The following XRCC4 variants were observed in gnomAD, a reference collection of about 807,000 sequenced individuals.
XRCC4 encodes DNA repair protein XRCC4.
Under a neutral mutation model 39.1 loss-of-function variants are expected in XRCC4, and 28 were observed. That is an observed-to-expected ratio of 0.72 (90% CI 0.53 to 0.98). The LOEUF (loss-of-function observed/expected upper bound fraction) is 0.98. Ranked by LOEUF, XRCC4 falls within the 50% of genes least tolerant of loss-of-function variation. XRCC4 has a pLI of 0.00. For missense variants in XRCC4, 350 were observed against 376.4 expected, an observed-to-expected ratio of 0.93 and a Z score of 0.58; for synonymous variants, 123 against 126.4, an observed-to-expected ratio of 0.97 and a Z score of 0.18.
intron 3 of XRCC4, among the ~76,000 whole-genome samples, chr5:83,182,587 A>AT (rs529425188): frequency 2.6e-5 from 4 of 152,082 alleles, no homozygotes; most frequent in African/African-American, 9.7e-5. Context: ...GAATTCCAAT[A>AT]TTTTTTGACC....
the XRCC4 span, among the ~76,000 whole-genome samples, chr5:83,362,301 A>C: frequency 6.8e-6 from 1 of 146,220 alleles, no homozygotes; most frequent in East Asian, 1.9e-4. Flanking sequence ...AGGCAAAAAA[A>C]AAAAAAAAAA....
At chr5:83,138,588 CA>C (rs33922097) in intron 3 of XRCC4, among the ~76,000 whole-genome samples, 73,445 of 151,680 alleles carry the variant, frequency 0.48, 18,722 homozygotes, top group African/African-American at 0.63. Context: ...CAAAAACTAG[CA>C]CACTTTGCTA....
At chr5:83,165,531 T>C (rs1369051794) in intron 3 of XRCC4, among the ~76,000 whole-genome samples, 1 of 152,182 alleles carries the variant, frequency 6.6e-6, no homozygotes, top group African/African-American at 2.4e-5. Flanking sequence ...GTTACATAGG[T>C]AAACTTGTGT....
At chr5:83,323,325 T>A (rs942168269) in intron 7 of XRCC4, among the ~76,000 whole-genome samples, 2 of 152,140 alleles carry the variant, frequency 1.3e-5, no homozygotes, top group African/African-American at 4.8e-5. Flanking sequence ...GGCTGTAAAG[T>A]ATCCTTGGAA....
At chr5:83,325,163 G>C (rs977523095) in intron 7 of XRCC4, among the ~76,000 whole-genome samples, 6 of 151,998 alleles carry the variant, frequency 3.9e-5, no homozygotes, top group African/African-American at 1.4e-4. Context: ...TCACATATTT[G>C]AGCATGCTGT....
the XRCC4 span, among the ~76,000 whole-genome samples, chr5:83,363,651 G>A: frequency 6.6e-6 from 1 of 152,166 alleles, no homozygotes; most frequent in Non-Finnish European, 1.5e-5. Context: ...GCAGAGTGAC[G>A]CCTAACCTGC....
chr5:83,090,345 G>GT (rs899468769), intron 1 of XRCC4, among the ~76,000 whole-genome samples: 1 of 47,496 alleles, frequency 2.1e-5, no homozygotes, highest in Non-Finnish European at 5.1e-5. Flanking sequence ...TGGTGGGGTT[G>GT]GGGGGGGCTC....
intron 3 of XRCC4, among the ~76,000 whole-genome samples, chr5:83,120,400 C>A (rs1436990147): frequency 6.6e-6 from 1 of 152,154 alleles, no homozygotes; most frequent in Non-Finnish European, 1.5e-5. Flanking sequence ...CACTTTCAAG[C>A]CTCTTTGCAG....
chr5:83,103,152 G>A (rs867720701), intron 1 of XRCC4, among the ~76,000 whole-genome samples: 14 of 151,546 alleles, frequency 9.2e-5, no homozygotes, highest in Non-Finnish European at 1.8e-4. Context: ...TTAAACATGC[G>A]TGTCTGTGGA....
intron 7 of XRCC4, among the ~76,000 whole-genome samples, chr5:83,270,977 G>A (rs1754128069): frequency 6.6e-6 from 1 of 151,624 alleles, no homozygotes; most frequent in Non-Finnish European, 1.5e-5. Flanking sequence ...GTAAAGATGG[G>A]GTTTTGCCAT....
At chr5:83,281,786 C>G (rs755690579) in intron 7 of XRCC4, among the ~76,000 whole-genome samples, 11 of 152,202 alleles carry the variant, frequency 7.2e-5, no homozygotes. Flanking sequence ...CCAATGTTGT[C>G]TGACTACCTT....
intron 7 of XRCC4, among the ~76,000 whole-genome samples, chr5:83,338,921 G>A (rs1756671581): frequency 6.6e-6 from 1 of 152,142 alleles, no homozygotes; most frequent in Non-Finnish European, 1.5e-5. Context: ...AAGTTCAGTA[G>A]TGACATATAA....
At chr5:83,344,793 G>A (rs941460922) in intron 7 of XRCC4, among the ~76,000 whole-genome samples, 3 of 152,026 alleles carry the variant, frequency 2.0e-5, no homozygotes, top group African/African-American at 7.3e-5. Flanking sequence ...CTAGGTTATA[G>A]GTACATATAC....
chr5:83,114,374 A>G (rs138460930), intron 3 of XRCC4, among the ~76,000 whole-genome samples: 3 of 152,214 alleles, frequency 2.0e-5, no homozygotes, highest in Admixed American at 1.3e-4. Flanking sequence ...AAATTTTCCA[A>G]ACTTTTATGG....
intron 7 of XRCC4, chr5:83,259,052 G>T (rs1753659102): frequency 2.8e-5 from 5 of 180,712 alleles, no homozygotes; most frequent in East Asian, 1.8e-4. Context: ...GGTTATGCTT[G>T]GCATTTTTTT....
chr5:83,116,503 T>C lies in XRCC4; in HGVS notation c.315+5300T>C, dbSNP rs557298541. Among the ~76,000 whole-genome samples the C allele has an allele frequency of 5.9e-5, 9 of 152,304 alleles. No individual in the cohort carries two copies. In the South Asian group the frequency reaches 1.9e-3, roughly 32 times the overall value. ...ACATTTATAACAAACTTTCTTTTTTTCTTAAAAGGAAGTAACCACTATTTT... is the reference window on the plus strand; with the variant it reads ...ACATTTATAACAAACTTTCTTTTTTCCTTAAAAGGAAGTAACCACTATTTT... On this transcript the variant is annotated intron_variant, in intron 3 of 7. Transcript: ENST00000396027.
In XRCC4 at chr5:83,186,189, C is replaced by T. The variant is rs1561388978; in HGVS notation, c.316-9581C>T. Among the ~76,000 whole-genome samples, 3 of 152,150 alleles carry T rather than the reference C, an allele frequency of 2.0e-5. 1 individual carries two copies. In the South Asian group the frequency reaches 6.2e-4, roughly 32 times the overall value. On this transcript the variant is annotated intron_variant, in intron 3 of 7. Transcript: ENST00000396027. ...TCTTTATAGGACTGTTGGGAAGATT[C>T]TAGAATGATTATATCCTAGTTAAAG...
At chr5:83,216,513 G>A (rs372018782) in intron 6 of XRCC4, among the ~76,000 whole-genome samples, 6 of 152,232 alleles carry the variant, frequency 3.9e-5, no homozygotes, top group Admixed American at 1.3e-4. Flanking sequence ...ACATATACTT[G>A]ACTGTTCATC....
At position 83,190,094 on chromosome 5, in the gene XRCC4, T is replaced by C. The variant is rs541878101; in HGVS notation, c.316-5676T>C. On this transcript the variant is annotated intron_variant, in intron 3 of 7. Transcript: ENST00000396027. ...AATAAAATAAAATAAAAAGTAAACA[T>C]TTTAGAAAGTCACTAAACTGAAGAG... 2.8e-4 allele frequency among the ~76,000 whole-genome samples: 43 copies of C among 152,054 alleles called. 1 individual carries two copies. The South Asian group carries it at 3.9e-3, about 14-fold the overall frequency.
Sources: allele counts gnomAD v4.1 joint callset (sites outside exome capture counted in the v4.1 genomes callset), GRCh38; gene constraint gnomAD v4.1.1; transcripts MANE v1.5; gene names NCBI Gene and HGNC (gene_info 2026-07-23, HGNC 2026-07-21).